DYSF: variants seen among roughly 807,000 people sequenced by gnomAD.
DYSF encodes dystrophy-associated fer-1-like 1.
A neutral mutation model predicts 274.9 loss-of-function variants in DYSF; 212 were observed. The observed-to-expected ratio is 0.77, with a 90% CI of 0.69 to 0.86. The LOEUF (loss-of-function observed/expected upper bound fraction) is 0.86. Ranked by LOEUF, DYSF falls within the 40% of genes least tolerant of loss-of-function variation. The probability of loss-of-function intolerance (pLI) is 0.00; values close to 1 mark genes in which losing one functional copy is unlikely to be tolerated. For synonymous variants in DYSF, 1,091 were observed against 1,078.7 expected, an observed-to-expected ratio of 1.01 and a Z score of -0.22; for missense variants, 2,666 against 2,783.2, an observed-to-expected ratio of 0.96 and a Z score of 0.95.
intron 43 of DYSF, among the ~76,000 whole-genome samples, chr2:71,656,814 A>T (rs565958980): frequency 2.0e-5 from 3 of 152,220 alleles, no homozygotes; most frequent in Admixed American, 2.0e-4. Flanking sequence ...GGCCCCCATG[A>T]TTCAGTTACC....
At chr2:71,635,748 CA>C (rs753590151) in intron 41 of DYSF, among the ~76,000 whole-genome samples, 1,754 of 69,706 alleles carry the variant, frequency 0.025, 19 homozygotes, top group Non-Finnish European at 0.036. Flanking sequence ...GACTCTGTCT[CA>C]AAAAAAAAAA....
chr2:71,566,994 C>T (rs2092147892), intron 24 of DYSF, among the ~76,000 whole-genome samples: 1 of 152,188 alleles, frequency 6.6e-6, no homozygotes, highest in Admixed American at 6.5e-5. Context: ...CTGAACCCAC[C>T]CGTTTTCTCA....
intron 41 of DYSF, among the ~76,000 whole-genome samples, chr2:71,624,586 G>C (rs969924787): frequency 6.6e-6 from 1 of 152,062 alleles, no homozygotes; most frequent in Non-Finnish European, 1.5e-5. Flanking sequence ...ATGCAATTTG[G>C]AAATTATATG....
chr2:71,671,031 G>A (rs894764561), intron 51 of DYSF, among the ~76,000 whole-genome samples: 1 of 152,116 alleles, frequency 6.6e-6, no homozygotes, highest in African/African-American at 2.4e-5. Context: ...GATATATGAC[G>A]CGTTCCAGTG....
intron 40 of DYSF, among the ~76,000 whole-genome samples, chr2:71,614,125 G>A (rs1454323561): frequency 2.6e-5 from 4 of 152,218 alleles, no homozygotes; most frequent in African/African-American, 9.6e-5. Context: ...GCCATGGAGT[G>A]GCTCTGGATT....
At chr2:71,507,629 G>A (rs1021097080) in intron 4 of DYSF, among the ~76,000 whole-genome samples, 5 of 152,122 alleles carry the variant, frequency 3.3e-5, no homozygotes, top group South Asian at 2.1e-4. Context: ...ACACACACAC[G>A]TAGAGGGAAT....
chr2:71,466,698 C>A, upstream of DYSF: 5 of 1,382,778 alleles, frequency 3.6e-6, no homozygotes, highest in Non-Finnish European at 4.7e-6. Flanking sequence ...AGGCATTGGT[C>A]ACTTCTCCGC....
At chr2:71,644,537 G>T (rs1427667462) in intron 42 of DYSF, among the ~76,000 whole-genome samples, 1 of 152,160 alleles carries the variant, frequency 6.6e-6, no homozygotes, top group Non-Finnish European at 1.5e-5. Flanking sequence ...AATAAAAAGA[G>T]AGTCGGTTTG....
intron 53 of DYSF, 62 bp downstream of exon 53, chr2:71,679,297 T>G (rs986645572): frequency 1.3e-6 from 2 of 1,534,772 alleles, no homozygotes; most frequent in African/African-American, 2.7e-5. Flanking sequence ...ATAGAAATTG[T>G]CAGAAAATAC....
At chr2:71,545,135 G>A (rs111390403) in intron 17 of DYSF, among the ~76,000 whole-genome samples, 96 of 152,306 alleles carry the variant, frequency 6.3e-4, no homozygotes, top group African/African-American at 2.2e-3. Flanking sequence ...GGAAGCCACC[G>A]GCACGTGAGG....
At chr2:71,486,452 C>T (rs929676167) in intron 3 of DYSF, among the ~76,000 whole-genome samples, 3 of 152,000 alleles carry the variant, frequency 2.0e-5, no homozygotes, top group African/African-American at 7.3e-5. Flanking sequence ...TGCCCCTCCT[C>T]GATCCTCACC....
intron 33 of DYSF, among the ~76,000 whole-genome samples, chr2:71,600,239 C>G (rs1453190154): frequency 6.6e-6 from 1 of 152,138 alleles, no homozygotes; most frequent in Non-Finnish European, 1.5e-5. Context: ...TGTCCAGGCT[C>G]ATTTAATTTG....
chr2:71,473,484 A>G (rs1435438242), intron 1 of DYSF, among the ~76,000 whole-genome samples: 1 of 152,132 alleles, frequency 6.6e-6, no homozygotes, highest in Non-Finnish European at 1.5e-5. Context: ...TTCTGAGAGT[A>G]ACTCCTGTTG....
chr2:71,542,969 C>G, intron 17 of DYSF, among the ~76,000 whole-genome samples: 1 of 145,900 alleles, frequency 6.9e-6, no homozygotes, highest in East Asian at 2.2e-4. Context: ...CGCCCCCTAC[C>G]TCCCGGACGG....
Position 71,667,532 on chromosome 2 carries a change from T to A in DYSF, c.5457+17T>A, listed in dbSNP as rs1170354759. ...ATCGAGCAGGTAGGACCTTGACCCTTGGGTCCCAGAGTCCTCGAACTCCAG... is the reference window on the plus strand; with the variant it reads ...ATCGAGCAGGTAGGACCTTGACCCTAGGGTCCCAGAGTCCTCGAACTCCAG... On this transcript the variant is annotated intron_variant, in intron 48 of 55. Transcript: ENST00000410020. The A allele has an allele frequency of 2.5e-6, 4 of 1,613,916 alleles. No homozygotes were observed. The highest frequency in any genetic ancestry group is 1.1e-5 in the South Asian group (1 of 91,062).
rs4295038 is a variant in DYSF at position 71,577,286 on chromosome 2, C to T, written c.3402+2915C>T. ...CACACACACTCTTTCCACTCATACA[C>T]AACACACTCTGTTACACGAACACAC... On this transcript the variant is annotated intron_variant, in intron 30 of 55. Coordinates refer to ENST00000410020, the MANE Select transcript of DYSF (RefSeq NM_001130987.2). Among the ~76,000 whole-genome samples, 244 of 150,344 alleles carry T rather than the reference C, an allele frequency of 1.6e-3. 1 individual carries two copies. The highest frequency in any genetic ancestry group is 5.1e-3 in the African/African-American group (210 of 40,832).
intron 51 of DYSF, among the ~76,000 whole-genome samples, chr2:71,672,224 C>CAG (rs914701829): frequency 6.6e-6 from 1 of 152,194 alleles, no homozygotes; most frequent in African/African-American, 2.4e-5. Context: ...AAGGCAGAGC[C>CAG]AGAGGGTCCC....
At chr2:71,565,541 C>T (rs2092042412) in intron 24 of DYSF, among the ~76,000 whole-genome samples, 1 of 152,166 alleles carries the variant, frequency 6.6e-6, no homozygotes, top group African/African-American at 2.4e-5. Flanking sequence ...TCCCTCCTCC[C>T]CTCTTCCAGG....
intron 5 of DYSF, among the ~76,000 whole-genome samples, chr2:71,512,595 G>T (rs1252325702): frequency 6.6e-6 from 1 of 152,212 alleles, no homozygotes; most frequent in Non-Finnish European, 1.5e-5. Context: ...CTCCACTGGT[G>T]GGCCTGGGTG....
Sources: gnomAD v4.1 joint callset for allele counts (sites outside exome capture counted in the v4.1 genomes callset) on GRCh38, gnomAD v4.1.1 for gene constraint, MANE v1.5 for transcripts, NCBI Gene and HGNC (gene_info 2026-07-23, HGNC 2026-07-21) for gene names.